ABCB11: variants seen among roughly 807,000 people sequenced by gnomAD.
The protein encoded by ABCB11 is bile salt export pump.
ABCB11 carries 95 observed loss-of-function variants against 148.0 expected under a neutral mutation model. The ratio of observed to expected loss-of-function variants is 0.64; its 90% confidence interval spans 0.54 to 0.76. The LOEUF (loss-of-function observed/expected upper bound fraction) is 0.76. Ranked by LOEUF, ABCB11 falls within the 30% of genes least tolerant of loss-of-function variation. ABCB11 has a pLI of 0.00. For synonymous variants in ABCB11, 591 were observed against 555.4 expected (o/e 1.06, Z -0.90); for missense variants, 1,523 against 1,617.8 (o/e 0.94, Z 1.01).
In ABCB11 at chr2:168,973,751, T is replaced by G. The variant is rs1384447459; in HGVS notation, c.1398A>C (p.Gln466His). 1.2e-5 allele frequency: 20 copies of G among 1,612,062 alleles called. No individual in the cohort carries two copies. Among genetic ancestry groups the G allele is most frequent in the Non-Finnish European group, 1.4e-5 (17 of 1,178,676 alleles). The change falls in exon 13 of 28, where the codon CAA becomes CAC. Residue 466 changes from glutamine to histidine, a missense_variant. Physicochemically the swap from Gln to His is conservative, Grantham distance 24. Coordinates refer to ENST00000650372, the MANE Select transcript of ABCB11 (RefSeq NM_003742.4). ...AGGGGTCATAGAATCGCTGAATGAG[T>G]TGCAGTGCTGTACTTTTTCCAGCTC... ...PSGAGKSTAL[Q>H]LIQRFYDPCE...
Position 168,923,445 on chromosome 2 carries a change from G to A in ABCB11, c.*177C>T. The A allele has an allele frequency of 1.1e-5, 7 of 638,252 alleles. No homozygotes were observed. Among genetic ancestry groups the A allele is most frequent in the Non-Finnish European group, 2.7e-6 (1 of 365,476 alleles). 39.5% of individuals were successfully genotyped at this position (638,252 alleles called of 1,614,324 possible). ...CATCTAAAGCAGAATTATTATGGAA[G>A]GCCATTAGAAATTAGCTTGGATTCC... On this transcript the variant is annotated 3_prime_UTR_variant, in exon 28 of 28. Coordinates refer to ENST00000650372, the MANE Select transcript of ABCB11 (RefSeq NM_003742.4).
At chr2:168,938,985 T>C (rs1691951010) in intron 21 of ABCB11, among the ~76,000 whole-genome samples, 1 of 152,078 alleles carries the variant, frequency 6.6e-6, no homozygotes, top group Non-Finnish European at 1.5e-5. Context: ...TTATCAATGG[T>C]ACATAACTAT....
chr2:168,928,244 C>T (rs1691402967), intron 25 of ABCB11, among the ~76,000 whole-genome samples: 1 of 152,142 alleles, frequency 6.6e-6, no homozygotes, highest in Non-Finnish European at 1.5e-5. Flanking sequence ...TTCCATAGCA[C>T]TTAAGTCTGC....
At chr2:168,998,986 G>A (rs1356253257) in intron 5 of ABCB11, among the ~76,000 whole-genome samples, 3 of 152,032 alleles carry the variant, frequency 2.0e-5, no homozygotes, top group Non-Finnish European at 4.4e-5. Context: ...TCCCTTGACT[G>A]CATACCAAGG....
intron 19 of ABCB11, among the ~76,000 whole-genome samples, chr2:168,947,655 T>A (rs1041263647): frequency 6.6e-6 from 1 of 151,832 alleles, no homozygotes; most frequent in Non-Finnish European, 1.5e-5. Context: ...ATGAGTTTAC[T>A]AATGAACACA....
chr2:168,922,761 C>CT lies in ABCB11; in HGVS notation c.*860dup, dbSNP rs1356924280. On this transcript the variant is annotated 3_prime_UTR_variant, in exon 28 of 28. Transcript: ENST00000650372. ...AGTGCTTTTCTGCCATATTTACTTG[C>CT]TTTTTTGTATAAAACCTTATGAAAC... Among the ~76,000 whole-genome samples the CT allele has an allele frequency of 1.3e-5, 2 of 152,130 alleles. No individual in the cohort carries two copies. Among genetic ancestry groups the CT allele is most frequent in the Non-Finnish European group, 2.9e-5 (2 of 68,016 alleles).
At chr2:168,936,530 A>G (rs1192662660) in intron 21 of ABCB11, 97 bp from the exon 22 acceptor site, 2 of 1,055,802 alleles carry the variant, frequency 1.9e-6, no homozygotes, top group Non-Finnish European at 2.9e-6. Context: ...AAGTTGTGAT[A>G]AAATATACAT....
chr2:168,987,011 T>G (rs1486990883), intron 9 of ABCB11, among the ~76,000 whole-genome samples: 1 of 152,166 alleles, frequency 6.6e-6, no homozygotes, highest in East Asian at 1.9e-4. Flanking sequence ...GTTACCATTT[T>G]TAAAACACTA....
At chr2:169,011,987 T>A (rs1241501679) in intron 5 of ABCB11, among the ~76,000 whole-genome samples, 2 of 152,104 alleles carry the variant, frequency 1.3e-5, no homozygotes, top group Non-Finnish European at 2.9e-5. Flanking sequence ...TTAAGACAAC[T>A]GTGTCCTTGA....
intron 1 of ABCB11, among the ~76,000 whole-genome samples, chr2:169,022,417 TACTA>T (rs757555266): frequency 4.6e-5 from 7 of 151,946 alleles, no homozygotes; most frequent in Non-Finnish European, 7.4e-5. Flanking sequence ...CATAAGCAAA[TACTA>T]AGTAATTTCA....
At chr2:168,935,938 G>A (rs1196733794) in intron 22 of ABCB11, among the ~76,000 whole-genome samples, 4 of 152,174 alleles carry the variant, frequency 2.6e-5, no homozygotes, top group Non-Finnish European at 5.9e-5. Context: ...CCCTGCAAAT[G>A]AGAGTACACC....
chr2:168,963,293 G>C (rs1449589720), intron 18 of ABCB11, among the ~76,000 whole-genome samples: 1 of 151,756 alleles, frequency 6.6e-6, no homozygotes, highest in African/African-American at 2.4e-5. Flanking sequence ...AGGTAACCAA[G>C]TTGATTCAAA....
intron 1 of ABCB11, among the ~76,000 whole-genome samples, chr2:169,028,604 C>T (rs1316867103): frequency 6.6e-6 from 1 of 151,996 alleles, no homozygotes; most frequent in Non-Finnish European, 1.5e-5. Flanking sequence ...CTGGTTGATC[C>T]TTCAGGGCCT....
At chr2:168,944,035 T>A (rs1255236545) in intron 21 of ABCB11, among the ~76,000 whole-genome samples, 5 of 152,050 alleles carry the variant, frequency 3.3e-5, no homozygotes, top group Non-Finnish European at 5.9e-5. Context: ...TCATCATATG[T>A]GTAAGCCCCT....
intron 11 of ABCB11, 51 bp from the exon 12 acceptor site, chr2:168,976,738 A>G: frequency 9.5e-7 from 1 of 1,056,886 alleles, no homozygotes; most frequent in South Asian, 1.3e-5. Flanking sequence ...TAAGATGCAC[A>G]ACTCAATTCA....
At chr2:168,973,972 C>T in intron 12 of ABCB11, 132 bp from the exon 13 acceptor site, 8 of 983,272 alleles carry the variant, frequency 8.1e-6, no homozygotes, top group South Asian at 7.2e-5. Context: ...CCCAAAGCAA[C>T]GTCCACTGAA....
chr2:169,014,245 T>C (rs1695284802), intron 4 of ABCB11, 58 bp downstream of exon 4: 1 of 1,524,456 alleles, frequency 6.6e-7, no homozygotes, highest in Non-Finnish European at 9.1e-7. Flanking sequence ...ACTCCCCTCA[T>C]GATCTAAACA....
intron 1 of ABCB11, among the ~76,000 whole-genome samples, chr2:169,021,487 T>C (rs1695537654): frequency 6.6e-6 from 1 of 152,158 alleles, no homozygotes; most frequent in African/African-American, 2.4e-5. Flanking sequence ...TATTGGATTG[T>C]ATATACCCAG....
At chr2:168,938,788 T>A (rs1691941894) in intron 21 of ABCB11, among the ~76,000 whole-genome samples, 1 of 152,092 alleles carries the variant, frequency 6.6e-6, no homozygotes, top group African/African-American at 2.4e-5. Flanking sequence ...CTCTTTGGGA[T>A]GTCGTTATTT....
Sources: allele counts gnomAD v4.1 joint callset (sites outside exome capture counted in the v4.1 genomes callset), GRCh38; gene constraint gnomAD v4.1.1; transcripts MANE v1.5; gene names NCBI Gene and HGNC (gene_info 2026-07-23, HGNC 2026-07-21).